The following CCDC60 variants were observed in gnomAD, a reference collection of about 807,000 sequenced individuals.
The protein encoded by CCDC60 is coiled-coil domain containing 60.
Under a neutral mutation model 63.5 loss-of-function variants are expected in CCDC60, and 54 were observed. The ratio of observed to expected loss-of-function variants is 0.85; its 90% CI spans 0.68 to 1.07. The LOEUF (loss-of-function observed/expected upper bound fraction) is 1.07, where lower values mean the gene tolerates loss of function less well. Ranked by LOEUF, CCDC60 falls within the 50% of genes least tolerant of loss-of-function variation. The pLI is 0.00. For missense variants in CCDC60, 651 were observed against 684.3 expected, an observed-to-expected ratio of 0.95 and a Z score of 0.54; for synonymous variants, 206 against 238.8, an observed-to-expected ratio of 0.86 and a Z score of 1.27.
chr12:119,485,903 T>G (rs1254231592), intron 4 of CCDC60, among the ~76,000 whole-genome samples: 1 of 152,212 alleles, frequency 6.6e-6, no homozygotes, highest in Non-Finnish European at 1.5e-5. Context: ...GATGCTCACA[T>G]GCCCCGCTTC....
intron 1 of CCDC60, among the ~76,000 whole-genome samples, chr12:119,363,423 C>CTGTGTGTGTGTGTGTGTGTGTGTG (rs5801335): frequency 3.3e-5 from 5 of 150,552 alleles, no homozygotes; most frequent in African/African-American, 7.3e-5. Context: ...TATGAGTCCT[C>CTGTGTGTGTGTGTGTGTGTGTGTG]TGTGTGTGTG....
intron 1 of CCDC60, among the ~76,000 whole-genome samples, chr12:119,354,436 A>C (rs1955695928): frequency 6.6e-6 from 1 of 152,190 alleles, no homozygotes; most frequent in East Asian, 1.9e-4. Context: ...TGGCTTAGGT[A>C]ATGTTTTAAA....
intron 11 of CCDC60, among the ~76,000 whole-genome samples, chr12:119,527,556 G>C (rs557950053): frequency 6.6e-6 from 1 of 152,052 alleles, no homozygotes; most frequent in South Asian, 2.1e-4. Flanking sequence ...TACAGTGTTT[G>C]CAAGGTGATC....
intron 1 of CCDC60, among the ~76,000 whole-genome samples, chr12:119,361,048 A>G (rs1203514480): frequency 1.3e-5 from 2 of 151,978 alleles, no homozygotes; most frequent in African/African-American, 2.4e-5. Flanking sequence ...AGGCAGGAGA[A>G]TCAGGCAGGG....
chr12:119,431,931 G>A (rs576121496), intron 2 of CCDC60, among the ~76,000 whole-genome samples: 11 of 152,028 alleles, frequency 7.2e-5, no homozygotes, highest in Non-Finnish European at 1.3e-4. Context: ...TGCCCGCCTC[G>A]GCCTCCCAAA....
intron 2 of CCDC60, among the ~76,000 whole-genome samples, chr12:119,430,757 G>T (rs981757914): frequency 6.6e-6 from 1 of 151,784 alleles, no homozygotes; most frequent in Admixed American, 6.6e-5. Flanking sequence ...AGGAGAAACC[G>T]ACCCTGCTGG....
At position 119,505,180 on chromosome 12, in the gene CCDC60, A is replaced by G; in HGVS notation, c.760A>G (p.Met254Val). 2 of 1,614,160 alleles carry G rather than the reference A, an allele frequency of 1.2e-6. No homozygotes were observed. Among genetic ancestry groups the G allele is most frequent in the South Asian group, 2.2e-5 (2 of 91,088 alleles). ...TGGGGGGTCCTCTCCCCAGAGCAGC[A>G]TGATCTCTGTGAACCCTGGCTCGGA... is the stretch of plus-strand genomic sequence containing the variant. ...ASGGSSPQSS[M>V]ISVNPGSDEP... The change falls in exon 7 of 14, where the codon ATG becomes GTG. Residue 254 changes from methionine (M) to valine (V), a missense_variant. Physicochemically the swap from Met to Val is conservative, Grantham distance 21 (BLOSUM62 1). Coordinates refer to ENST00000327554, the MANE Select transcript of CCDC60 (RefSeq NM_178499.5).
intron 5 of CCDC60, among the ~76,000 whole-genome samples, chr12:119,489,500 C>T (rs1267174615): frequency 2.0e-5 from 3 of 152,048 alleles, no homozygotes; most frequent in African/African-American, 4.8e-5. Flanking sequence ...GTTAGGTGTC[C>T]GCACCAGAGG....
intron 2 of CCDC60, among the ~76,000 whole-genome samples, chr12:119,467,442 C>T (rs971112965): frequency 6.6e-6 from 1 of 152,232 alleles, no homozygotes. Context: ...TTAGCCTCCA[C>T]CTTTGTGAAT....
At chr12:119,414,730 T>C (rs999320960) in intron 1 of CCDC60, among the ~76,000 whole-genome samples, 2 of 152,138 alleles carry the variant, frequency 1.3e-5, no homozygotes, top group Non-Finnish European at 2.9e-5. Context: ...GTTTTGTTTT[T>C]TGTAGAGAGA....
At chr12:119,453,393 A>G (rs961480395) in intron 2 of CCDC60, among the ~76,000 whole-genome samples, 5 of 152,238 alleles carry the variant, frequency 3.3e-5, no homozygotes, top group Admixed American at 6.5e-5. Flanking sequence ...AAAACCATTT[A>G]AAATAATTAG....
chr12:119,500,686 T>C (rs1319339298), intron 6 of CCDC60, among the ~76,000 whole-genome samples: 1 of 152,068 alleles, frequency 6.6e-6, no homozygotes, highest in African/African-American at 2.4e-5. Context: ...AGACCCCGTC[T>C]TCACAAAAAA....
intron 2 of CCDC60, among the ~76,000 whole-genome samples, chr12:119,443,522 G>A (rs536758400): frequency 4.6e-5 from 7 of 152,302 alleles, no homozygotes; most frequent in South Asian, 2.1e-4. Flanking sequence ...GGAAAGGGAC[G>A]TGTCTGTCAC....
rs1413931074 is a variant in CCDC60, at chr12:119,437,136, GTT to G, written c.170+8376_170+8377del. On this transcript the variant is annotated intron_variant, in intron 2 of 13. Transcript: ENST00000327554. ...TTGGGCTTCTTTTTGCATTAATAGT[GTT>G]TAATAGTGTTAATCATGGTCACTTT... is the stretch of plus-strand genomic sequence containing the variant. 3.9e-5 allele frequency among the ~76,000 whole-genome samples: 6 copies of G among 152,158 alleles called. No homozygotes were observed. In the East Asian group the frequency reaches 1.2e-3, roughly 29 times the overall value.
intron 1 of CCDC60, among the ~76,000 whole-genome samples, chr12:119,423,158 C>G (rs1420983211): frequency 1.3e-5 from 2 of 152,060 alleles, no homozygotes; most frequent in Non-Finnish European, 2.9e-5. Flanking sequence ...TCTGAATACC[C>G]TAGAATCGTG....
intron 3 of CCDC60, 70 bp from the exon 4 acceptor site, chr12:119,479,024 G>T: frequency 9.6e-7 from 1 of 1,042,788 alleles, no homozygotes; most frequent in East Asian, 2.4e-5. Context: ...AATAGACCGT[G>T]GCAAGAGAAG....
chr12:119,369,172 G>A (rs1955873522), intron 1 of CCDC60, among the ~76,000 whole-genome samples: 1 of 152,150 alleles, frequency 6.6e-6, no homozygotes, highest in Admixed American at 6.5e-5. Context: ...CTTATACGAG[G>A]CCTTCCTTTC....
chr12:119,344,853 T>TCACACACACA (rs1489223455), intron 1 of CCDC60, among the ~76,000 whole-genome samples: 65 of 104,088 alleles, frequency 6.2e-4, no homozygotes, highest in Middle Eastern at 4.5e-3. Flanking sequence ...TCTCTCTCTC[T>TCACACACACA]CTCACACACA....
At chr12:119,442,171 A>C (rs955797249) in intron 2 of CCDC60, among the ~76,000 whole-genome samples, 1 of 152,224 alleles carries the variant, frequency 6.6e-6, no homozygotes, top group African/African-American at 2.4e-5. Flanking sequence ...CAGAAAAAAA[A>C]CATTCCGTAT....
Sources: gnomAD v4.1 joint callset for allele counts (sites outside exome capture counted in the v4.1 genomes callset) on GRCh38, gnomAD v4.1.1 for gene constraint, MANE v1.5 for transcripts, NCBI Gene and HGNC (gene_info 2026-07-23, HGNC 2026-07-21) for gene names.